The following SPMIP7 variants were observed in gnomAD, a reference collection of about 807,000 sequenced individuals.
SPMIP7 encodes the protein sperm microtubule inner protein 7, also known as protein SPMIP7.
the SPMIP7 span, among the ~76,000 whole-genome samples, chr7:50,148,600 C>T: frequency 1.5e-3 from 221 of 152,302 alleles, 2 homozygotes; most frequent in African/African-American, 4.9e-3. Context: ...GAGAGACACA[C>T]GCATGAATAA....
At chr7:50,116,585 A>G in the SPMIP7 span, among the ~76,000 whole-genome samples, 2 of 152,230 alleles carry the variant, frequency 1.3e-5, no homozygotes, top group African/African-American at 2.4e-5. Context: ...ATGTATTGAG[A>G]GAAAATCTAA....
chr7:50,121,106 A>G, the SPMIP7 span, among the ~76,000 whole-genome samples: 2 of 152,164 alleles, frequency 1.3e-5, no homozygotes, highest in African/African-American at 4.8e-5. Flanking sequence ...CAGTTAGAGT[A>G]AAAAAACACG....
chr7:50,143,635 T>C, the SPMIP7 span, among the ~76,000 whole-genome samples: 2 of 152,220 alleles, frequency 1.3e-5, no homozygotes, highest in South Asian at 4.1e-4. Flanking sequence ...GTTTTTTATA[T>C]TGGTAGTGAT....
the SPMIP7 span, among the ~76,000 whole-genome samples, chr7:50,105,061 A>C: frequency 6.6e-6 from 1 of 152,118 alleles, no homozygotes; most frequent in Non-Finnish European, 1.5e-5. Flanking sequence ...CAAAATTTAA[A>C]CCTAAATATT....
At chr7:50,128,390 G>A in the SPMIP7 span, among the ~76,000 whole-genome samples, 1 of 151,820 alleles carries the variant, frequency 6.6e-6, no homozygotes, top group African/African-American at 2.4e-5. Context: ...TTAAGACCAT[G>A]TTTGATATAT....
At chr7:50,127,484 G>A in the SPMIP7 span, among the ~76,000 whole-genome samples, 1 of 151,458 alleles carries the variant, frequency 6.6e-6, no homozygotes, top group Non-Finnish European at 1.5e-5. Flanking sequence ...GAAAATATTT[G>A]CAAACTACCC....
the SPMIP7 span, chr7:50,134,033 A>T: frequency 3.8e-6 from 5 of 1,304,874 alleles, no homozygotes; most frequent in Non-Finnish European, 5.2e-6. Context: ...TTCTCTTATC[A>T]TAGTATCATA....
At chr7:50,105,642 T>C in the SPMIP7 span, among the ~76,000 whole-genome samples, 1 of 152,224 alleles carries the variant, frequency 6.6e-6, no homozygotes, top group Non-Finnish European at 1.5e-5. Context: ...TTACTCAAGA[T>C]GTCACACACA....
chr7:50,124,998 C>T, the SPMIP7 span, among the ~76,000 whole-genome samples: 3 of 151,030 alleles, frequency 2.0e-5, no homozygotes, highest in Non-Finnish European at 4.4e-5. Context: ...ACTTGGGAGG[C>T]TGAGGCACAA....
the SPMIP7 span, among the ~76,000 whole-genome samples, chr7:50,103,729 G>T: frequency 1.3e-5 from 2 of 152,134 alleles, no homozygotes; most frequent in South Asian, 2.1e-4. Context: ...AACCTGGTTA[G>T]ACTAGGTATT....
chr7:50,148,400 A>G, the SPMIP7 span, among the ~76,000 whole-genome samples: 1 of 152,214 alleles, frequency 6.6e-6, no homozygotes, highest in Admixed American at 6.5e-5. Context: ...GTTTTTTATC[A>G]AGCCTTTCAT....
At chr7:50,136,571 C>T in the SPMIP7 span, among the ~76,000 whole-genome samples, 1 of 152,008 alleles carries the variant, frequency 6.6e-6, no homozygotes, top group African/African-American at 2.4e-5. Context: ...ATAGGGAGGG[C>T]TTTATAAACA....
the SPMIP7 span, among the ~76,000 whole-genome samples, chr7:50,155,859 A>ATG: frequency 2.0e-5 from 3 of 151,960 alleles, no homozygotes; most frequent in Admixed American, 6.6e-5. Context: ...CTGCACATAC[A>ATG]GCTCTCATCC....
the SPMIP7 span, among the ~76,000 whole-genome samples, chr7:50,128,321 T>C: frequency 5.9e-5 from 9 of 151,748 alleles, no homozygotes; most frequent in Non-Finnish European, 1.2e-4. Flanking sequence ...AAAGGGAGTG[T>C]GGAGGGAGGA....
the SPMIP7 span, among the ~76,000 whole-genome samples, chr7:50,150,979 C>T: frequency 6.6e-6 from 1 of 152,146 alleles, no homozygotes; most frequent in South Asian, 2.1e-4. Context: ...CTGAAATTTA[C>T]AATGCAGTAC....
the SPMIP7 span, chr7:50,120,372 G>A: frequency 6.6e-6 from 1 of 152,106 alleles, no homozygotes; most frequent in African/African-American, 2.4e-5. Context: ...ATTTTCCAGG[G>A]TTTAAATGGG....
At chr7:50,126,936 C>T in the SPMIP7 span, among the ~76,000 whole-genome samples, 791 of 151,884 alleles carry the variant, frequency 5.2e-3, 29 homozygotes, top group South Asian at 0.088. Context: ...ATGCAAAAGA[C>T]CTGGAATAGC....
the SPMIP7 span, among the ~76,000 whole-genome samples, chr7:50,099,216 T>C: frequency 6.6e-6 from 1 of 152,160 alleles, no homozygotes; most frequent in African/African-American, 2.4e-5. Flanking sequence ...GTTATTCAAG[T>C]CCTCTATGTC....
the SPMIP7 span, among the ~76,000 whole-genome samples, chr7:50,143,159 ATTTTTT>A: frequency 4.2e-4 from 48 of 113,606 alleles, no homozygotes; most frequent in African/African-American, 1.1e-3. Context: ...AGTGAAAGCC[ATTTTTT>A]TTTTTTTTTT....
Sources: allele counts gnomAD v4.1 joint callset (sites outside exome capture counted in the v4.1 genomes callset), GRCh38; gene constraint gnomAD v4.1.1; transcripts MANE v1.5; gene names NCBI Gene and HGNC (gene_info 2026-07-23, HGNC 2026-07-21).